The following MRPL30 variants were observed in gnomAD, a reference collection of about 807,000 sequenced individuals.
MRPL30 encodes the protein mitochondrial ribosomal protein L30, also known as large ribosomal subunit protein uL30m.
MRPL30 carries 10 observed loss-of-function variants against 17.2 expected under a neutral mutation model. The observed-to-expected ratio is 0.58, with a 90% CI of 0.36 to 0.99. The LOEUF (loss-of-function observed/expected upper bound fraction) is 0.99. Ranked by LOEUF, MRPL30 falls within the 50% of genes least tolerant of loss-of-function variation. MRPL30 has a pLI of 0.01. For missense variants in MRPL30, 170 were observed against 189.8 expected, an observed-to-expected ratio of 0.90 and a Z score of 0.61; for synonymous variants, 61 against 62.1, an observed-to-expected ratio of 0.98 and a Z score of 0.08.
chr2:99,192,481 C>G (rs1485280313), intron 3 of MRPL30, among the ~76,000 whole-genome samples: 1 of 152,104 alleles, frequency 6.6e-6, no homozygotes, highest in African/African-American at 2.4e-5. Flanking sequence ...TGAGAACATG[C>G]GGTATTTGGT....
chr2:99,188,463 G>C (rs1426896093), intron 3 of MRPL30, among the ~76,000 whole-genome samples: 1 of 152,156 alleles, frequency 6.6e-6, no homozygotes, highest in Non-Finnish European at 1.5e-5. Flanking sequence ...GGCCTTCACA[G>C]TAATGGGTTT....
chr2:99,182,687 C>T (rs1464675995), intron 1 of MRPL30, among the ~76,000 whole-genome samples: 2 of 152,256 alleles, frequency 1.3e-5, no homozygotes, highest in African/African-American at 2.4e-5. Flanking sequence ...GAGACTCTGT[C>T]TCTAAAAACT....
Position 99,195,660 on chromosome 2 carries a change from G to C in MRPL30, c.441G>C (p.Val147=), listed in dbSNP as rs749328633. 3.1e-6 allele frequency: 5 copies of C among 1,613,704 alleles called. No individual in the cohort carries two copies. Among genetic ancestry groups the C allele is most frequent in the Non-Finnish European group, 4.2e-6 (5 of 1,179,914 alleles). The change falls in exon 6 of 6, where the codon GTG becomes GTC. Residue 147 remains valine, a synonymous_variant. Transcript: ENST00000338148. ...TCAAAAGCACTGGGGAGTTAGTAGT[G>C]CAGTGGCATCTGAAACCTGTGGAGC... ...TCLKSTGELV[V]QWHLKPVEQK... is the part of the protein sequence containing the mutation.
chr2:99,182,421 G>A (rs2093925925), intron 1 of MRPL30, among the ~76,000 whole-genome samples: 1 of 152,228 alleles, frequency 6.6e-6, no homozygotes, highest in African/African-American at 2.4e-5. Flanking sequence ...CGGGCGTCCG[G>A]GCGGGCGCCT....
chr2:99,189,293 T>A (rs1206968183), intron 3 of MRPL30, among the ~76,000 whole-genome samples: 4 of 152,238 alleles, frequency 2.6e-5, no homozygotes, highest in African/African-American at 9.6e-5. Context: ...GTGGTTCACC[T>A]ATTTATCCTT....
intron 1 of MRPL30, 80 bp from the exon 2 acceptor site, chr2:99,186,097 T>G (rs1175079679): frequency 1.1e-6 from 1 of 925,034 alleles, no homozygotes; most frequent in Non-Finnish European, 1.7e-6. Context: ...TGCTGCTTAG[T>G]TTTTTAATAC....
At position 99,194,870 on chromosome 2, in the gene MRPL30, TATA is replaced by T. The variant is rs1203911118; in HGVS notation, c.257_259del (p.Ile86del). On this transcript the variant is annotated inframe_deletion, in exon 4 of 6. Coordinates refer to ENST00000338148, the MANE Select transcript of MRPL30 (RefSeq NM_145212.4). ...GAAGACGTCCATATTGGGAAAAAGA[TATA>T]ATAAAGATGCTTGGATTAGAAAAAG... 1.9e-6 allele frequency: 3 copies of T among 1,581,480 alleles called. No individual in the cohort carries two copies. Among genetic ancestry groups the T allele is most frequent in the Non-Finnish European group, 2.6e-6 (3 of 1,166,102 alleles).
intron 3 of MRPL30, among the ~76,000 whole-genome samples, chr2:99,194,037 C>A (rs76696301): frequency 9.9e-4 from 129 of 130,216 alleles, no homozygotes; most frequent in East Asian, 1.1e-3. Flanking sequence ...GACTCCATCT[C>A]AAAAAAAAAA....
chr2:99,195,303 ATT>A (rs2093953300), intron 5 of MRPL30, 114 bp downstream of exon 5: 3 of 1,053,378 alleles, frequency 2.8e-6, no homozygotes, highest in Admixed American at 3.0e-5. Context: ...CTAAAATTTT[ATT>A]TTGTTTTTTT....
At chr2:99,192,531 C>T (rs572957306) in intron 3 of MRPL30, among the ~76,000 whole-genome samples, 2 of 152,312 alleles carry the variant, frequency 1.3e-5, no homozygotes, top group South Asian at 4.1e-4. Context: ...TGATGGCATC[C>T]AGCTTCATCC....
chr2:99,184,470 T>C (rs1222418465), intron 1 of MRPL30, among the ~76,000 whole-genome samples: 1 of 152,184 alleles, frequency 6.6e-6, no homozygotes, highest in East Asian at 1.9e-4. Context: ...CAATCTAGTA[T>C]ATAAGGATCA....
chr2:99,183,734 G>A (rs1003873496), intron 1 of MRPL30, among the ~76,000 whole-genome samples: 1 of 152,146 alleles, frequency 6.6e-6, no homozygotes, highest in Non-Finnish European at 1.5e-5. Context: ...CCCCTTTCAT[G>A]TTTGGTATAC....
Position 99,188,201 on chromosome 2 carries a change from C to A in MRPL30, c.76C>A (p.Leu26Ile). ...GACTGTGACAAAAGGTGTGGAGTCT[C>A]TTATTTGTACAGATTGGATTCGTCA... ...LQTVTKGVES[L>I]ICTDWIRHKF... Residue 26 changes from leucine (L) to isoleucine (I), a missense_variant, in exon 3 of 6, where the codon CTT becomes ATT. Coordinates refer to ENST00000338148, the MANE Select transcript of MRPL30 (RefSeq NM_145212.4). The A allele has an allele frequency of 6.2e-7, 1 of 1,603,354 alleles. No homozygotes were observed. The highest frequency in any genetic ancestry group is 1.1e-5 in the South Asian group (1 of 88,064).
chr2:99,182,590 G>T (rs764367162), intron 1 of MRPL30, among the ~76,000 whole-genome samples: 1 of 152,176 alleles, frequency 6.6e-6, no homozygotes, highest in Non-Finnish European at 1.5e-5. Context: ...CGTATTCTTT[G>T]AGTCAAACGT....
Position 99,181,197 on chromosome 2 carries a change from T to C in MRPL30, c.-80T>C, listed in dbSNP as rs1447596743. The C allele has an allele frequency of 3.4e-6, 2 of 581,162 alleles. No individual in the cohort carries two copies. The highest frequency in any genetic ancestry group is 3.3e-5 in the East Asian group (1 of 30,154). The allele number at this position is 581,162 out of a possible 1,614,324, so 36.0% of individuals were successfully genotyped here. On this transcript the variant is annotated 5_prime_UTR_variant, in exon 1 of 6. Transcript: ENST00000338148. ...GTGTAGCACTTGGTAGTTCTTCCTC[T>C]GCTCTGCTTCCCTTCGGAGGAAAAT...
Position 99,196,186 on chromosome 2 carries a change from C to G in MRPL30, c.*481C>G, listed in dbSNP as rs1278068361. On this transcript the variant is annotated 3_prime_UTR_variant, in exon 6 of 6. Transcript: ENST00000338148. ...AATTTGGTTTAATTCTCTGTCCTTTCCCTTTCACTGTTTCACTCCAAAACA... is the reference window on the plus strand; with the variant it reads ...AATTTGGTTTAATTCTCTGTCCTTTGCCTTTCACTGTTTCACTCCAAAACA... The G allele has an allele frequency of 6.3e-6, 1 of 159,812 alleles. No homozygotes were observed. The highest frequency in any genetic ancestry group is 2.4e-5 in the African/African-American group (1 of 41,462). 9.9% of individuals were successfully genotyped at this position (159,812 alleles called of 1,614,324 possible). A position where few individuals can be genotyped will look rare whatever the true frequency, so the allele number is the denominator to read the frequency against.
chr2:99,198,298 T>G lies in MRPL30; in HGVS notation c.*2593T>G, dbSNP rs2093958287. Among the ~76,000 whole-genome samples, 1 of 152,180 alleles carries G rather than the reference T, an allele frequency of 6.6e-6. No homozygotes were observed. The highest frequency in any genetic ancestry group is 1.5e-5 in the Non-Finnish European group (1 of 68,034). On this transcript the variant is annotated 3_prime_UTR_variant, in exon 6 of 6. Coordinates refer to ENST00000338148, the MANE Select transcript of MRPL30 (RefSeq NM_145212.4). Reference sequence around the variant, plus strand: ...TTAGGATCTCAGTGCTGGAAAAACGTGTCTGGCCAGGTGCTCATTGTAGCT... The same window carrying G: ...TTAGGATCTCAGTGCTGGAAAAACGGGTCTGGCCAGGTGCTCATTGTAGCT...
intron 1 of MRPL30, among the ~76,000 whole-genome samples, chr2:99,183,022 A>G (rs1574842657): frequency 6.6e-6 from 1 of 152,208 alleles, no homozygotes; most frequent in Non-Finnish European, 1.5e-5. Flanking sequence ...AAATGATGTG[A>G]TCTGGGTTGA....
chr2:99,196,068 G>A lies in MRPL30; in HGVS notation c.*363G>A, dbSNP rs1415343488. ...TGTACTCCAGCCTGGGTGATAGGAT[G>A]AGACTCCATCTCAGGGGAAAAAAAA... On this transcript the variant is annotated 3_prime_UTR_variant, in exon 6 of 6. Coordinates refer to ENST00000338148, the MANE Select transcript of MRPL30 (RefSeq NM_145212.4). 2 of 210,056 alleles carry A rather than the reference G, an allele frequency of 9.5e-6. No homozygotes were observed. The highest frequency in any genetic ancestry group is 1.9e-5 in the Non-Finnish European group (2 of 104,660). The allele number at this position is 210,056 out of a possible 1,614,324, so 13.0% of individuals were successfully genotyped here.
Sources: allele counts gnomAD v4.1 joint callset (sites outside exome capture counted in the v4.1 genomes callset), GRCh38; gene constraint gnomAD v4.1.1; transcripts MANE v1.5; gene names NCBI Gene and HGNC (gene_info 2026-07-23, HGNC 2026-07-21).